The following WWOX variants were observed in gnomAD, a reference collection of about 807,000 sequenced individuals.
WWOX encodes the protein WW domain-containing oxidoreductase.
Under a neutral mutation model 46.2 loss-of-function variants are expected in WWOX, and 69 were observed. The observed-to-expected ratio is 1.49, with a 90% confidence interval of 1.23 to 1.82. The LOEUF is 1.82. Among genes scored for constraint, WWOX ranks in the 40% most tolerant of loss-of-function variants. The pLI is 0.00. For missense variants in WWOX, 919 were observed against 542.6 expected, an observed-to-expected ratio of 1.69 and a Z score of -6.89; for synonymous variants, 359 against 202.6, an observed-to-expected ratio of 1.77 and a Z score of -6.56.
intron 8 of WWOX, among the ~76,000 whole-genome samples, chr16:79,191,360 A>G (rs986084159): frequency 3.2e-4 from 49 of 152,270 alleles, no homozygotes; most frequent in African/African-American, 1.1e-3. Flanking sequence ...CCAGCCCATG[A>G]CTTCTCTTTA....
intron 4 of WWOX, among the ~76,000 whole-genome samples, chr16:78,152,233 C>T (rs2034440584): frequency 6.6e-6 from 1 of 152,046 alleles, no homozygotes; most frequent in African/African-American, 2.4e-5. Flanking sequence ...TGTTTCCTTG[C>T]ATCTCCGTAT....
At chr16:78,784,916 A>G (rs1002381239) in intron 8 of WWOX, among the ~76,000 whole-genome samples, 2 of 152,158 alleles carry the variant, frequency 1.3e-5, no homozygotes, top group Non-Finnish European at 2.9e-5. Flanking sequence ...CTCACAACCT[A>G]TGACCACATA....
Position 78,493,505 on chromosome 16 carries a change from G to A in WWOX, c.1056+60753G>A, listed in dbSNP as rs111572208. On this transcript the variant is annotated intron_variant, in intron 8 of 8. Coordinates refer to ENST00000566780, the MANE Select transcript of WWOX (RefSeq NM_016373.4). The stretch of plus-strand genomic sequence containing the variant: ...TCTTTAACAGCACAGAAGAGCAATT[G>A]CATTTGGTCATTCTAGTATCAACTG... Among the ~76,000 whole-genome samples the A allele has an allele frequency of 2.2e-3, 329 of 152,286 alleles. 1 individual carries two copies. Among genetic ancestry groups the A allele is most frequent in the African/African-American group, 7.7e-3 (319 of 41,556 alleles).
intron 8 of WWOX, among the ~76,000 whole-genome samples, chr16:79,116,854 A>G (rs1391857327): frequency 6.6e-6 from 1 of 152,014 alleles, no homozygotes; most frequent in African/African-American, 2.4e-5. Flanking sequence ...TCAGAAGAAT[A>G]CAGTATCTGT....
At chr16:78,724,260 A>G (rs113292305) in intron 8 of WWOX, among the ~76,000 whole-genome samples, 3,733 of 152,252 alleles carry the variant, frequency 0.025, 154 homozygotes, top group African/African-American at 0.085. Flanking sequence ...GTTACCAGCA[A>G]TGAAAAAAGC....
At chr16:78,777,001 C>T (rs940764572) in intron 8 of WWOX, among the ~76,000 whole-genome samples, 1 of 152,072 alleles carries the variant, frequency 6.6e-6, no homozygotes, top group African/African-American at 2.4e-5. Context: ...CTCATGGCAT[C>T]TCGTTTTTAC....
At chr16:78,148,174 A>G (rs1415682978) in intron 4 of WWOX, among the ~76,000 whole-genome samples, 1 of 152,210 alleles carries the variant, frequency 6.6e-6, no homozygotes, top group African/African-American at 2.4e-5. Context: ...ATTCATCAAA[A>G]TAAAAAAGGC....
intron 8 of WWOX, among the ~76,000 whole-genome samples, chr16:78,880,280 T>C (rs1007569394): frequency 6.6e-6 from 1 of 152,354 alleles, no homozygotes; most frequent in South Asian, 2.1e-4. Flanking sequence ...AGGCTATTTT[T>C]TATTTTATTT....
chr16:78,541,306 C>G (rs1597237083), intron 8 of WWOX, among the ~76,000 whole-genome samples: 1 of 150,740 alleles, frequency 6.6e-6, no homozygotes, highest in East Asian at 2.0e-4. Flanking sequence ...AACCCCGTCT[C>G]TACTAAAAAT....
At chr16:78,192,721 A>G (rs1004817317) in intron 5 of WWOX, among the ~76,000 whole-genome samples, 10 of 152,144 alleles carry the variant, frequency 6.6e-5, no homozygotes, top group Non-Finnish European at 1.5e-4. Flanking sequence ...TTCCTTGTTT[A>G]TTTTTTGACA....
intron 8 of WWOX, among the ~76,000 whole-genome samples, chr16:78,612,878 C>G (rs753224315): frequency 6.6e-6 from 1 of 152,284 alleles, no homozygotes; most frequent in East Asian, 1.9e-4. Context: ...AGCATAGTCC[C>G]TTAGGGTAAC....
At chr16:78,973,265 G>A (rs969296365) in intron 8 of WWOX, among the ~76,000 whole-genome samples, 5 of 152,120 alleles carry the variant, frequency 3.3e-5, no homozygotes, top group Admixed American at 6.5e-5. Flanking sequence ...TAATTAAGCC[G>A]CTTTGCAGAA....
At chr16:78,351,817 C>A (rs996890035) in intron 5 of WWOX, among the ~76,000 whole-genome samples, 1 of 152,136 alleles carries the variant, frequency 6.6e-6, no homozygotes, top group Non-Finnish European at 1.5e-5. Context: ...TCACCAGGCC[C>A]AGCTAATTTT....
At chr16:79,023,564 C>T (rs1369761251) in intron 8 of WWOX, among the ~76,000 whole-genome samples, 7 of 152,148 alleles carry the variant, frequency 4.6e-5, no homozygotes, top group African/African-American at 1.7e-4. Context: ...CCATCCACCA[C>T]AGGCAAACAT....
chr16:78,169,036 A>T (rs1219273217), intron 5 of WWOX, among the ~76,000 whole-genome samples: 2 of 152,142 alleles, frequency 1.3e-5, no homozygotes, highest in Non-Finnish European at 2.9e-5. Context: ...GAGGGAGGAG[A>T]TGGAGGCACA....
chr16:78,643,366 C>T (rs955863675), intron 8 of WWOX, among the ~76,000 whole-genome samples: 1 of 152,164 alleles, frequency 6.6e-6, no homozygotes, highest in Non-Finnish European at 1.5e-5. Context: ...TCTGGAGGAT[C>T]TGTAACTGTT....
At chr16:78,225,137 A>C (rs555023016) in intron 5 of WWOX, among the ~76,000 whole-genome samples, 12 of 152,312 alleles carry the variant, frequency 7.9e-5, no homozygotes, top group African/African-American at 2.2e-4. Flanking sequence ...GCCTAGATGG[A>C]TAGCCTACTA....
intron 8 of WWOX, among the ~76,000 whole-genome samples, chr16:78,434,231 G>C (rs534527939): frequency 6.6e-6 from 1 of 152,226 alleles, no homozygotes. Context: ...CTTAGGATCA[G>C]TGGCAGTGAA....
At chr16:78,334,855 CAA>C (rs2080848318) in intron 5 of WWOX, among the ~76,000 whole-genome samples, 4 of 145,056 alleles carry the variant, frequency 2.8e-5, no homozygotes, top group African/African-American at 1.0e-4. Context: ...CACACACACA[CAA>C]AATCACCAAA....
Sources: gnomAD v4.1 joint callset for allele counts (sites outside exome capture counted in the v4.1 genomes callset) on GRCh38, gnomAD v4.1.1 for gene constraint, MANE v1.5 for transcripts, NCBI Gene and HGNC (gene_info 2026-07-23, HGNC 2026-07-21) for gene names.